The following HS3ST4 variants were observed in gnomAD, a reference collection of about 807,000 sequenced individuals.
HS3ST4 encodes the protein heparan sulfate-glucosamine 3-sulfotransferase 4, also known as heparan sulfate glucosamine 3-O-sulfotransferase 4.
In HS3ST4, 17 loss-of-function variants were observed where a neutral mutation model predicts 29.2. The observed-to-expected ratio is 0.58, with a 90% CI of 0.40 to 0.87. The LOEUF is 0.87. Ranked by LOEUF, HS3ST4 falls within the 40% of genes least tolerant of loss-of-function variation. The pLI is 0.00. For missense variants in HS3ST4, 627 were observed against 634.5 expected, an observed-to-expected ratio of 0.99 and a Z score of 0.13; for synonymous variants, 314 against 285.7, an observed-to-expected ratio of 1.10 and a Z score of -1.00.
At chr16:25,925,151 C>T (rs954676660) in intron 1 of HS3ST4, among the ~76,000 whole-genome samples, 4 of 151,100 alleles carry the variant, frequency 2.6e-5, no homozygotes, top group African/African-American at 7.3e-5. Flanking sequence ...CACTGAGCTC[C>T]TACTTCTACA....
rs141995717 is a variant in HS3ST4 at position 25,839,687 on chromosome 16, G to A, written c.734+146536G>A. ...CTCACAACAGTGATCAGTGAATATC[G>A]CTCTTCACTGTTTTGTCTATGATAA... is the stretch of plus-strand genomic sequence containing the variant. On this transcript the variant is annotated intron_variant, in intron 1 of 1. Coordinates refer to ENST00000331351, the MANE Select transcript of HS3ST4 (RefSeq NM_006040.3). Among the ~76,000 whole-genome samples, 36 of 152,000 alleles carry A rather than the reference G, an allele frequency of 2.4e-4. No homozygotes were observed. The East Asian group carries it at 6.8e-3, about 29-fold the overall frequency.
chr16:25,987,125 T>C (rs931564195), intron 1 of HS3ST4, among the ~76,000 whole-genome samples: 1 of 152,056 alleles, frequency 6.6e-6, no homozygotes, highest in Non-Finnish European at 1.5e-5. Context: ...CCGAGGTGGG[T>C]GGATCACCTG....
chr16:25,727,321 A>G (rs1489371721), intron 1 of HS3ST4, among the ~76,000 whole-genome samples: 1 of 152,188 alleles, frequency 6.6e-6, no homozygotes, highest in Non-Finnish European at 1.5e-5. Context: ...ACAGAGATGT[A>G]TATAGAGATA....
At chr16:25,724,520 C>T (rs535217050) in intron 1 of HS3ST4, among the ~76,000 whole-genome samples, 9 of 152,138 alleles carry the variant, frequency 5.9e-5, no homozygotes, top group East Asian at 1.9e-4. Flanking sequence ...TGCACCACCA[C>T]GCCTGGCTCA....
intron 1 of HS3ST4, among the ~76,000 whole-genome samples, chr16:26,119,345 A>C (rs577598005): frequency 6.6e-6 from 1 of 152,368 alleles, no homozygotes; most frequent in African/African-American, 2.4e-5. Context: ...GCAAAGTGGC[A>C]GAGGAATGAT....
chr16:25,806,209 C>G (rs971542115), intron 1 of HS3ST4, among the ~76,000 whole-genome samples: 4 of 152,180 alleles, frequency 2.6e-5, no homozygotes, highest in Non-Finnish European at 5.9e-5. Context: ...TTGCCTACAT[C>G]TCTCAGAGTA....
intron 1 of HS3ST4, among the ~76,000 whole-genome samples, chr16:25,930,407 G>A (rs1481049268): frequency 2.0e-5 from 3 of 152,212 alleles, no homozygotes; most frequent in South Asian, 4.1e-4. Flanking sequence ...ACCCATATGA[G>A]ATCTGCTAAG....
At chr16:26,014,864 T>G (rs145152911) in intron 1 of HS3ST4, among the ~76,000 whole-genome samples, 1 of 152,298 alleles carries the variant, frequency 6.6e-6, no homozygotes, top group East Asian at 1.9e-4. Flanking sequence ...TGAATTAGGA[T>G]TTGAACTCAT....
At chr16:25,705,244 C>G (rs1397515721) in intron 1 of HS3ST4, among the ~76,000 whole-genome samples, 1 of 152,196 alleles carries the variant, frequency 6.6e-6, no homozygotes, top group African/African-American at 2.4e-5. Context: ...ACCATTCCCT[C>G]CAGGTTAAAG....
At chr16:25,705,724 C>T (rs1025428304) in intron 1 of HS3ST4, among the ~76,000 whole-genome samples, 1 of 152,056 alleles carries the variant, frequency 6.6e-6, no homozygotes, top group African/African-American at 2.4e-5. Flanking sequence ...AAGGTGGAAT[C>T]AGAAATTAAG....
chr16:25,842,876 C>T (rs1167196181), intron 1 of HS3ST4, among the ~76,000 whole-genome samples: 1 of 152,068 alleles, frequency 6.6e-6, no homozygotes, highest in Non-Finnish European at 1.5e-5. Flanking sequence ...TTACTTTTTG[C>T]ACCTATAAAA....
chr16:25,912,738 A>G (rs969115797), intron 1 of HS3ST4, among the ~76,000 whole-genome samples: 5 of 152,214 alleles, frequency 3.3e-5, no homozygotes, highest in Admixed American at 3.3e-4. Flanking sequence ...AGATGTTAAC[A>G]TACCCCTGTG....
intron 1 of HS3ST4, among the ~76,000 whole-genome samples, chr16:26,129,938 A>G (rs1198941196): frequency 2.0e-5 from 3 of 152,162 alleles, no homozygotes. Context: ...GCTGACCTGC[A>G]TTCAAAAGTG....
At chr16:26,080,910 C>T (rs1013417265) in intron 1 of HS3ST4, among the ~76,000 whole-genome samples, 1 of 152,182 alleles carries the variant, frequency 6.6e-6, no homozygotes, top group South Asian at 2.1e-4. Flanking sequence ...ACATCTTGCT[C>T]ATCAAAGTGC....
intron 1 of HS3ST4, among the ~76,000 whole-genome samples, chr16:26,130,288 G>A (rs1471513833): frequency 6.6e-6 from 1 of 152,204 alleles, no homozygotes; most frequent in Non-Finnish European, 1.5e-5. Flanking sequence ...GGTTCACGCT[G>A]AAGTGCATGG....
chr16:25,721,000 G>A (rs1376977138), intron 1 of HS3ST4, among the ~76,000 whole-genome samples: 1 of 152,210 alleles, frequency 6.6e-6, no homozygotes, highest in Non-Finnish European at 1.5e-5. Context: ...AACAAAAGAT[G>A]AGTTCTGTTA....
intron 1 of HS3ST4, among the ~76,000 whole-genome samples, chr16:26,088,200 G>A (rs1007200989): frequency 4.6e-5 from 7 of 152,140 alleles, no homozygotes; most frequent in South Asian, 2.1e-4. Flanking sequence ...TCCAGAACAC[G>A]TGTTCCTCTT....
intron 1 of HS3ST4, among the ~76,000 whole-genome samples, chr16:26,004,103 A>G (rs1969235832): frequency 6.6e-6 from 1 of 152,120 alleles, no homozygotes; most frequent in African/African-American, 2.4e-5. Context: ...TTTGGAGGGA[A>G]AGGAGATAAA....
At chr16:25,768,300 A>G (rs1387770850) in intron 1 of HS3ST4, among the ~76,000 whole-genome samples, 1 of 152,242 alleles carries the variant, frequency 6.6e-6, no homozygotes, top group East Asian at 1.9e-4. Context: ...TAAAAAATTG[A>G]CATAACTTTG....
Sources: allele counts gnomAD v4.1 joint callset (sites outside exome capture counted in the v4.1 genomes callset), GRCh38; gene constraint gnomAD v4.1.1; transcripts MANE v1.5; gene names NCBI Gene and HGNC (gene_info 2026-07-23, HGNC 2026-07-21).